ZNF438: variants seen among roughly 807,000 people sequenced by gnomAD.
ZNF438 encodes the protein zinc finger protein 438.
In ZNF438, 25 loss-of-function variants were observed where a neutral mutation model predicts 38.0. The ratio of observed to expected loss-of-function variants is 0.66; its 90% CI spans 0.48 to 0.92. ZNF438 has a LOEUF of 0.92. Ranked by LOEUF, ZNF438 falls within the 40% of genes least tolerant of loss-of-function variation. ZNF438 has a pLI of 0.00. For synonymous variants in ZNF438, 372 were observed against 364.1 expected (o/e 1.02, Z -0.25); for missense variants, 1,007 against 999.6 (o/e 1.01, Z -0.10).
intron 1 of ZNF438, among the ~76,000 whole-genome samples, chr10:30,962,861 T>C (rs1306660475): frequency 6.6e-6 from 1 of 152,200 alleles, no homozygotes; most frequent in Non-Finnish European, 1.5e-5. Context: ...CAAGATTCCA[T>C]CTTTACTGTT....
chr10:30,898,339 G>A (rs922761654), intron 3 of ZNF438, among the ~76,000 whole-genome samples: 4 of 152,118 alleles, frequency 2.6e-5, no homozygotes, highest in Admixed American at 6.6e-5. Flanking sequence ...AGGGAAAGAT[G>A]TCCATAACAT....
At chr10:30,978,472 T>C (rs2051688389) in intron 1 of ZNF438, among the ~76,000 whole-genome samples, 1 of 152,160 alleles carries the variant, frequency 6.6e-6, no homozygotes, top group Non-Finnish European at 1.5e-5. Context: ...AGATAATAGT[T>C]TACATATAAT....
chr10:30,846,437 AGAGCCACTGC>A (rs2032122182), intron 5 of ZNF438, among the ~76,000 whole-genome samples: 1 of 152,208 alleles, frequency 6.6e-6, no homozygotes, highest in Non-Finnish European at 1.5e-5. Context: ...TGCCGCCATG[AGAGCCACTGC>A]GATGGGGCCA....
At chr10:30,988,917 CTG>C (rs991202345) in intron 1 of ZNF438, among the ~76,000 whole-genome samples, 6 of 152,006 alleles carry the variant, frequency 3.9e-5, no homozygotes, top group Non-Finnish European at 7.4e-5. Context: ...GTGAAGGTCT[CTG>C]TGGATGTAAT....
chr10:31,006,052 T>C (rs1690627), intron 1 of ZNF438, among the ~76,000 whole-genome samples: 47,134 of 152,084 alleles, frequency 0.31, 8,499 homozygotes, highest in South Asian at 0.42. Context: ...AATCTCTGTC[T>C]ACCCTATATT....
chr10:30,908,590 G>C (rs1311565038), intron 3 of ZNF438, among the ~76,000 whole-genome samples: 1 of 152,136 alleles, frequency 6.6e-6, no homozygotes, highest in Admixed American at 6.5e-5. Flanking sequence ...GAATGCAGCT[G>C]TCCTATCTTT....
chr10:30,862,708 G>A (rs931785473), intron 4 of ZNF438, among the ~76,000 whole-genome samples: 3 of 152,186 alleles, frequency 2.0e-5, no homozygotes, highest in African/African-American at 4.8e-5. Context: ...TAAACAGAAA[G>A]ATAAGGTTTC....
chr10:31,002,122 G>A (rs1443055657), intron 1 of ZNF438, among the ~76,000 whole-genome samples: 2 of 152,172 alleles, frequency 1.3e-5, no homozygotes, highest in Non-Finnish European at 2.9e-5. Context: ...GACTGAATGG[G>A]TCCATTTCCT....
chr10:30,927,858 T>C (rs1280945984), intron 2 of ZNF438, among the ~76,000 whole-genome samples: 1 of 142,204 alleles, frequency 7.0e-6, no homozygotes, highest in Non-Finnish European at 1.5e-5. Flanking sequence ...AACTTAAAAT[T>C]CTTGACCTCA....
intron 2 of ZNF438, among the ~76,000 whole-genome samples, chr10:30,938,975 T>C (rs1427885312): frequency 1.3e-5 from 2 of 152,030 alleles, no homozygotes; most frequent in East Asian, 3.9e-4. Context: ...TTTGTATTTT[T>C]AGTAGAGACG....
intron 3 of ZNF438, among the ~76,000 whole-genome samples, chr10:30,888,838 T>C (rs574937172): frequency 1.3e-5 from 2 of 152,380 alleles, no homozygotes; most frequent in Admixed American, 6.5e-5. Flanking sequence ...TGAACATATG[T>C]CTGCATATGT....
intron 1 of ZNF438, among the ~76,000 whole-genome samples, chr10:30,997,060 C>T (rs2054124339): frequency 1.3e-5 from 2 of 152,098 alleles, no homozygotes; most frequent in South Asian, 4.1e-4. Context: ...CCCAGAAAGA[C>T]ATTTGTAGCT....
chr10:31,029,316 C>T (rs987182325), intron 1 of ZNF438, among the ~76,000 whole-genome samples: 4 of 62,892 alleles, frequency 6.4e-5, no homozygotes, highest in African/African-American at 9.7e-5. Flanking sequence ...ACTCAGTTTA[C>T]GCTTACATAA....
intron 1 of ZNF438, among the ~76,000 whole-genome samples, chr10:30,952,093 G>A (rs942314619): frequency 2.6e-5 from 4 of 151,226 alleles, no homozygotes; most frequent in Non-Finnish European, 4.4e-5. Context: ...CAGAAATAAC[G>A]CTGCCTATCT....
intron 4 of ZNF438, 50 bp downstream of exon 5, chr10:30,876,948 A>G: frequency 6.7e-7 from 1 of 1,487,628 alleles, no homozygotes; most frequent in Non-Finnish European, 9.1e-7. Flanking sequence ...AATGTATCAA[A>G]TTAAAACTAT....
chr10:31,000,717 CTA>C (rs2054564230), intron 1 of ZNF438, among the ~76,000 whole-genome samples: 1 of 150,842 alleles, frequency 6.6e-6, no homozygotes, highest in African/African-American at 2.4e-5. Flanking sequence ...CCTGTCCTAT[CTA>C]TGTTACAATT....
At chr10:30,898,862 G>T (rs1288529120) in intron 3 of ZNF438, among the ~76,000 whole-genome samples, 7 of 151,976 alleles carry the variant, frequency 4.6e-5, no homozygotes, top group African/African-American at 1.4e-4. Flanking sequence ...CAATAAGAGG[G>T]ACACCATACG....
chr10:30,845,308 G>T (rs1225065100), exon 6 of ZNF438: 2 of 1,614,134 alleles, frequency 1.2e-6, no homozygotes, highest in Non-Finnish European at 1.7e-6. Context: ...GAGGAGGAAT[G>T]AACCTTCTCC....
At chr10:30,850,139 T>G in exon 5 of ZNF438, 2 of 1,614,118 alleles carry the variant, frequency 1.2e-6, no homozygotes, top group Non-Finnish European at 1.7e-6. Context: ...AAATGTCCCC[T>G]CCTGGCCAGC....
Sources: gnomAD v4.1 joint callset for allele counts (sites outside exome capture counted in the v4.1 genomes callset) on GRCh38, gnomAD v4.1.1 for gene constraint, MANE v1.5 for transcripts, NCBI Gene and HGNC (gene_info 2026-07-23, HGNC 2026-07-21) for gene names.